Variants in MTMR2 observed in about 807,000 individuals in gnomAD.
The protein encoded by MTMR2 is myotubularin related protein 2, also known as phosphatidylinositol-3,5-bisphosphate 3-phosphatase MTMR2.
In MTMR2, 55 loss-of-function variants were observed where a neutral mutation model predicts 86.9. The ratio of observed to expected loss-of-function variants is 0.63; its 90% CI spans 0.51 to 0.79. MTMR2 has a LOEUF of 0.79. Among genes scored for constraint, MTMR2 ranks in the 30% least tolerant of loss-of-function variants. The pLI, the probability that MTMR2 is intolerant of heterozygous loss-of-function variation, is 0.00. For synonymous variants in MTMR2, 241 were observed against 266.8 expected (o/e 0.90, Z 0.94); for missense variants, 659 against 772.3 (o/e 0.85, Z 1.74).
rs910164657 is a variant in MTMR2, at chr11:95,868,950, G to GA, written c.187-3275dup. On this transcript the variant is annotated intron_variant, in intron 2 of 14. Coordinates refer to ENST00000346299, the MANE Select transcript of MTMR2 (RefSeq NM_016156.6). ...AAATACAACCCAGAAATACTTTTTA[G>GA]AAAAAAAAAAAGAAAAAGAAAAAAA... is the stretch of plus-strand genomic sequence containing the variant. 4.1e-4 allele frequency among the ~76,000 whole-genome samples: 55 copies of GA among 135,652 alleles called. No individual in the cohort carries two copies. The Middle Eastern group carries it at 0.011, about 28-fold the overall frequency. 89.0% of individuals were successfully genotyped at this position (135,652 alleles called of 152,430 possible). A position where few individuals can be genotyped will look rare whatever the true frequency, so the allele number is the denominator to read the frequency against.
Position 95,845,137 on chromosome 11 carries a change from C to G in MTMR2, c.1202G>C (p.Arg401Thr). The change falls in exon 11 of 15, where the codon AGG (arginine) becomes ACG (threonine). Residue 401 changes from arginine to threonine, a missense_variant. Arg to Thr is a moderately conservative substitution (Grantham distance 71). Coordinates refer to ENST00000346299, the MANE Select transcript of MTMR2 (RefSeq NM_016156.6). The part of the protein sequence containing the change: ...HIKLILAGAL[R>T]IADKVESGKT... ...CCCTGACTCTACCTTGTCAGCAATC[C>G]TAAGAGCCCCTGCAAGAATAAGCTG... The G allele has an allele frequency of 6.2e-7, 1 of 1,613,826 alleles. No homozygotes were observed. The highest frequency in any genetic ancestry group is 8.5e-7 in the Non-Finnish European group (1 of 1,179,822).
chr11:95,854,426 C>CT lies in MTMR2; in HGVS notation c.654+3125dup, dbSNP rs571734874. On this transcript the variant is annotated intron_variant, in intron 7 of 14. Transcript: ENST00000346299. ...CAAGTTTGTTAAGTAATGCATGTAA[C>CT]TTATGTTGGGTATTTCTGCAGAAGA... Among the ~76,000 whole-genome samples, 17 of 152,232 alleles carry CT rather than the reference C, an allele frequency of 1.1e-4. No homozygotes were observed. In the South Asian group the frequency reaches 3.5e-3, roughly 32 times the overall value.
chr11:95,855,352 C>T (rs2135456353), intron 7 of MTMR2, among the ~76,000 whole-genome samples: 1 of 152,178 alleles, frequency 6.6e-6, no homozygotes, highest in South Asian at 2.1e-4. Flanking sequence ...ATCTCCCAGG[C>T]TCAGGTGGTC....
chr11:95,882,998 G>A (rs943125214), intron 2 of MTMR2, among the ~76,000 whole-genome samples: 8 of 145,132 alleles, frequency 5.5e-5, no homozygotes, highest in Admixed American at 1.5e-4. Context: ...CGCCCATCTC[G>A]GCCTCCCAAA....
At chr11:95,848,380 A>C (rs1293980334) in intron 9 of MTMR2, among the ~76,000 whole-genome samples, 1 of 152,172 alleles carries the variant, frequency 6.6e-6, no homozygotes, top group Non-Finnish European at 1.5e-5. Context: ...TTTGCAATCA[A>C]AATGACCTGC....
chr11:95,895,053 A>G (rs1865833941), intron 1 of MTMR2, among the ~76,000 whole-genome samples: 1 of 152,076 alleles, frequency 6.6e-6, no homozygotes, highest in Non-Finnish European at 1.5e-5. Flanking sequence ...TATACAAAAC[A>G]TTGGGTTATG....
intron 2 of MTMR2, among the ~76,000 whole-genome samples, chr11:95,872,951 C>G (rs912470701): frequency 5.9e-5 from 9 of 152,254 alleles, no homozygotes; most frequent in African/African-American, 2.2e-4. Flanking sequence ...GCCTTACATC[C>G]CAGGGATGTA....
At position 95,833,143 on chromosome 11, in the gene MTMR2, C is replaced by G. The variant is rs911113948; in HGVS notation, c.*2147G>C. On this transcript the variant is annotated 3_prime_UTR_variant, in exon 15 of 15. Coordinates refer to ENST00000346299, the MANE Select transcript of MTMR2 (RefSeq NM_016156.6). ...AGGGAGAACAGTTGTTCCAGGTGCACAAGACAGACTGAACCAAAGTGGGGA... is the reference window on the plus strand; with the variant it reads ...AGGGAGAACAGTTGTTCCAGGTGCAGAAGACAGACTGAACCAAAGTGGGGA... 1.3e-5 allele frequency: 2 copies of G among 151,998 alleles called. No individual in the cohort carries two copies. The highest frequency in any genetic ancestry group is 1.3e-4 in the Admixed American group (2 of 15,236). The allele number at this position is 151,998 out of a possible 1,614,324, so 9.4% of individuals were successfully genotyped here.
chr11:95,838,124 G>T lies in MTMR2; in HGVS notation c.1563C>A (p.Leu521=), dbSNP rs772490648. ...HLYSCLFGTF[L]CNSEQQRGKE... The stretch of plus-strand genomic sequence containing the variant: ...TTCCTCTCTGTTGTTCACTATTACA[G>T]AGGAATGTTCCGAATAAGCAGCTGT... The change falls in exon 13 of 15, where the codon CTC becomes CTA. Residue 521 remains leucine, a synonymous_variant. Transcript: ENST00000346299. 9.8e-5 allele frequency: 157 copies of T among 1,608,372 alleles called. 6 individuals carry two copies. In the South Asian group the frequency reaches 1.6e-3, roughly 16 times the overall value.
At chr11:95,864,314 G>A (rs1490154881) in intron 3 of MTMR2, among the ~76,000 whole-genome samples, 1 of 152,114 alleles carries the variant, frequency 6.6e-6, no homozygotes, top group South Asian at 2.1e-4. Flanking sequence ...GTCCTAGGGC[G>A]TGTTGCTATT....
intron 1 of MTMR2, among the ~76,000 whole-genome samples, chr11:95,905,333 A>ACGCGCG (rs934300247): frequency 2.3e-3 from 28 of 12,328 alleles, no homozygotes; most frequent in African/African-American, 8.8e-3. Flanking sequence ...GCACCTGCGC[A>ACGCGCG]CACACACACA....
At chr11:95,923,781 C>T in intron 1 of MTMR2, 94 bp downstream of exon 1, 1 of 1,507,180 alleles carries the variant, frequency 6.6e-7, no homozygotes, top group Non-Finnish European at 8.9e-7. Context: ...CCTTCAGAAA[C>T]CAGAATCCGC....
chr11:95,892,094 A>G, intron 1 of MTMR2, among the ~76,000 whole-genome samples: 1 of 152,136 alleles, frequency 6.6e-6, no homozygotes, highest in East Asian at 1.9e-4. Context: ...CACCATGGCT[A>G]CTGGTATAAC....
At chr11:95,904,906 C>T (rs1866200532) in intron 1 of MTMR2, among the ~76,000 whole-genome samples, 1 of 152,160 alleles carries the variant, frequency 6.6e-6, no homozygotes, top group Admixed American at 6.5e-5. Context: ...ACTTCTCATT[C>T]TTTCCTAAAT....
intron 1 of MTMR2, among the ~76,000 whole-genome samples, chr11:95,920,481 CTTT>C (rs10572906): frequency 1.3e-4 from 18 of 141,688 alleles, no homozygotes; most frequent in African/African-American, 2.1e-4. Context: ...CTGACGATTA[CTTT>C]TTTTTTTTTT....
At chr11:95,891,671 C>T (rs575909236) in intron 1 of MTMR2, among the ~76,000 whole-genome samples, 2 of 152,216 alleles carry the variant, frequency 1.3e-5, no homozygotes, top group Admixed American at 1.3e-4. Context: ...TATTATGATC[C>T]ACAGTGTTAT....
At chr11:95,901,870 T>C (rs1259081096) in intron 1 of MTMR2, among the ~76,000 whole-genome samples, 1 of 152,062 alleles carries the variant, frequency 6.6e-6, no homozygotes, top group Non-Finnish European at 1.5e-5. Context: ...ACAGTAAGTA[T>C]CTTTAAGCCT....
chr11:95,835,390 A>G lies in MTMR2; in HGVS notation c.1832T>C (p.Val611Ala), dbSNP rs1271455669. ...LAKRAELQKK[V>A]EELQREISNR... is the part of the protein sequence containing the mutation. Reference sequence around the variant, plus strand: ...AGAAATCTCTCTCTGTAGTTCCTCTACTTTTTTCTGAAGCTCTGCTCGTTT... The same window carrying G: ...AGAAATCTCTCTCTGTAGTTCCTCTGCTTTTTTCTGAAGCTCTGCTCGTTT... Residue 611 changes from valine to alanine, a missense_variant, in exon 15 of 15, where the codon GTA (valine) becomes GCA (alanine). Physicochemically the swap from Val to Ala is moderately conservative, Grantham distance 64 (BLOSUM62 0). Around this residue, in one of 3 missense-constraint regions of MTMR2, gnomAD observed 193 missense variants for 191.6 expected, o/e 1.01. Coordinates refer to ENST00000346299, the MANE Select transcript of MTMR2 (RefSeq NM_016156.6). 3.1e-6 allele frequency: 5 copies of G among 1,613,044 alleles called. No homozygotes were observed. The Admixed American group carries it at 5.0e-5, about 16-fold the overall frequency.
chr11:95,910,352 A>G (rs1866452219), intron 1 of MTMR2, among the ~76,000 whole-genome samples: 3 of 152,238 alleles, frequency 2.0e-5, no homozygotes, highest in South Asian at 4.1e-4. Context: ...ACAGCAATGA[A>G]CAGAATCTAA....
Sources: gnomAD v4.1 joint callset for allele counts (sites outside exome capture counted in the v4.1 genomes callset) on GRCh38, gnomAD v4.1.1 for gene constraint, gnomAD v4.1.1 regional missense constraint, MANE v1.5 for transcripts, NCBI Gene and HGNC (gene_info 2026-07-23, HGNC 2026-07-21) for gene names.